Variants in RALGPS1 observed in about 807,000 individuals in gnomAD.
RALGPS1 encodes ras-specific guanine nucleotide-releasing factor RalGPS1.
In RALGPS1, 19 loss-of-function variants were observed where a neutral mutation model predicts 78.8. The ratio of observed to expected loss-of-function variants is 0.24; its 90% CI spans 0.17 to 0.35. The LOEUF (loss-of-function observed/expected upper bound fraction) is 0.35. Ranked by LOEUF, RALGPS1 falls within the 10% of genes least tolerant of loss-of-function variation. The pLI, the probability that RALGPS1 is intolerant of heterozygous loss-of-function variation, is 1.00. For missense variants in RALGPS1, 454 were observed against 688.3 expected, an observed-to-expected ratio of 0.66 and a Z score of 3.81; for synonymous variants, 228 against 256.3, an observed-to-expected ratio of 0.89 and a Z score of 1.06.
At chr9:126,920,163 T>C (rs2034608386) in intron 1 of RALGPS1, among the ~76,000 whole-genome samples, 1 of 152,116 alleles carries the variant, frequency 6.6e-6, no homozygotes, top group African/African-American at 2.4e-5. Flanking sequence ...GGTAGGCTCT[T>C]GTTGAATAGT....
intron 8 of RALGPS1, among the ~76,000 whole-genome samples, chr9:127,164,534 CTTTT>C (rs1160251459): frequency 1.6e-5 from 1 of 62,762 alleles, no homozygotes; most frequent in Non-Finnish European, 2.7e-5. Flanking sequence ...CATGCCTGGC[CTTTT>C]TTTTTTTTTT....
intron 6 of RALGPS1, among the ~76,000 whole-genome samples, chr9:127,051,020 T>C (rs1416451737): frequency 2.6e-5 from 4 of 152,180 alleles, no homozygotes; most frequent in Non-Finnish European, 5.9e-5. Context: ...CAGGGCCCCA[T>C]AGCCAGTCAG....
At chr9:127,189,053 A>G (rs1262086300) in intron 11 of RALGPS1, among the ~76,000 whole-genome samples, 1 of 143,916 alleles carries the variant, frequency 6.9e-6, no homozygotes, top group Non-Finnish European at 1.5e-5. Flanking sequence ...GAATCCAGGG[A>G]GGGCTGAACA....
Position 127,212,808 on chromosome 9 carries a change from G to C in RALGPS1, c.1446+89G>C. On this transcript the variant is annotated intron_variant, in intron 16 of 18. Coordinates refer to ENST00000259351, the MANE Select transcript of RALGPS1 (RefSeq NM_014636.3). This position sits in a 1 kb window ranked among gnomAD's most constrained non-coding sequence, Gnocchi z 6.0. ...CTGTGGAGGATGGGGGTGGGAAAGG[G>C]ATCTGTGTGAACTGCGGAGGATGCA... The C allele has an allele frequency of 6.5e-7, 1 of 1,533,364 alleles. No homozygotes were observed. Among genetic ancestry groups the C allele is most frequent in the Non-Finnish European group, 8.9e-7 (1 of 1,120,314 alleles). 95.0% of individuals were successfully genotyped at this position (1,533,364 alleles called of 1,614,324 possible).
chr9:127,132,317 A>C (rs2138255524), intron 8 of RALGPS1, among the ~76,000 whole-genome samples: 1 of 152,320 alleles, frequency 6.6e-6, no homozygotes, highest in South Asian at 2.1e-4. Context: ...TGATACAGAA[A>C]AGGAAATAAA....
rs117454305 is a variant in RALGPS1, at chr9:127,204,682, G to A, written c.1247+5616G>A. On this transcript the variant is annotated intron_variant, in intron 14 of 18. Transcript: ENST00000259351. ...GTGCTGTGGGGTGGTGCTGTAGGGC[G>A]TTCAGGGAGTTGGGTGATGCAGTTT... Among the ~76,000 whole-genome samples, 1,032 of 152,266 alleles carry A rather than the reference G, an allele frequency of 6.8e-3. 20 individuals are homozygous for A. The East Asian group carries it at 0.086, about 13-fold the overall frequency.
intron 4 of RALGPS1, among the ~76,000 whole-genome samples, chr9:127,031,146 C>T (rs2046402635): frequency 6.6e-6 from 1 of 152,252 alleles, no homozygotes; most frequent in African/African-American, 2.4e-5. Context: ...ATCCCAAACC[C>T]TTGTCTCCCT....
rs1329155652 is a variant in RALGPS1, at chr9:127,220,503, G to A, written c.*1734G>A. On this transcript the variant is annotated 3_prime_UTR_variant, in exon 19 of 19. Transcript: ENST00000259351. Reference sequence around the variant, plus strand: ...AAAGACTAGAATACTTTCCTCCTAAGAGAAACTCCCAGGTGATAAAAGTTG... The same window carrying A: ...AAAGACTAGAATACTTTCCTCCTAAAAGAAACTCCCAGGTGATAAAAGTTG... 1 of 152,302 alleles carries A rather than the reference G, an allele frequency of 6.6e-6. No individual in the cohort carries two copies. The highest frequency in any genetic ancestry group is 1.9e-4 in the East Asian group (1 of 5,190). 9.4% of individuals were successfully genotyped at this position (152,302 alleles called of 1,614,324 possible). A position where few individuals can be genotyped will look rare whatever the true frequency, so the allele number is the denominator to read the frequency against.
chr9:127,210,620 G>C lies in RALGPS1; in HGVS notation c.1248-1511G>C, dbSNP rs539238157. On this transcript the variant is annotated intron_variant, in intron 14 of 18. Transcript: ENST00000259351. ...TCCTGAGCTAATTGACTATGTTGTC[G>C]GGGTGCTCTTGCCTCCTTCAGGAGC... 61 of 1,112,100 alleles carry C rather than the reference G, an allele frequency of 5.5e-5. No homozygotes were observed. In the East Asian group the frequency reaches 1.2e-3, roughly 21 times the overall value. The allele number at this position is 1,112,100 out of a possible 1,614,324, so 68.9% of individuals were successfully genotyped here.
chr9:127,215,487 TCTTA>T (rs771448050), intron 18 of RALGPS1, among the ~76,000 whole-genome samples: 22 of 152,338 alleles, frequency 1.4e-4, no homozygotes, highest in Admixed American at 2.6e-4. Context: ...AGGTAGATTC[TCTTA>T]CTGTCTCCGT....
intron 4 of RALGPS1, among the ~76,000 whole-genome samples, chr9:126,987,452 G>C (rs1167500904): frequency 6.6e-6 from 1 of 152,202 alleles, no homozygotes; most frequent in Non-Finnish European, 1.5e-5. Flanking sequence ...TGGTGCTCTT[G>C]AGAGAAGAAA....
At chr9:126,964,634 C>G (rs766514996) in intron 2 of RALGPS1, among the ~76,000 whole-genome samples, 8 of 100,500 alleles carry the variant, frequency 8.0e-5, no homozygotes, top group Non-Finnish European at 1.8e-4. Context: ...GAGGTCTTAA[C>G]CACTATGGTA....
intron 8 of RALGPS1, among the ~76,000 whole-genome samples, chr9:127,141,416 A>G (rs1305990027): frequency 6.6e-6 from 1 of 152,066 alleles, no homozygotes; most frequent in Non-Finnish European, 1.5e-5. Context: ...CTCCCTAGCC[A>G]TCTCGCTTTC....
intron 4 of RALGPS1, among the ~76,000 whole-genome samples, chr9:127,026,522 T>C (rs1287574663): frequency 5.9e-5 from 9 of 152,260 alleles, no homozygotes; most frequent in Non-Finnish European, 1.2e-4. Context: ...TACAAGTCTC[T>C]TTTCTATCAC....
intron 8 of RALGPS1, chr9:127,069,594 G>A: frequency 2.3e-6 from 1 of 427,128 alleles, no homozygotes; most frequent in Non-Finnish European, 4.2e-6. Context: ...TGGGCCCCAG[G>A]GTTCCCCAGG....
chr9:127,148,115 G>A (rs1193264006), intron 8 of RALGPS1, among the ~76,000 whole-genome samples: 1 of 152,240 alleles, frequency 6.6e-6, no homozygotes. Context: ...GAGCACACAT[G>A]TCTTAGAAAT....
intron 8 of RALGPS1, among the ~76,000 whole-genome samples, chr9:127,148,462 C>T (rs908241521): frequency 1.3e-5 from 2 of 152,248 alleles, no homozygotes; most frequent in African/African-American, 2.4e-5. Context: ...AAGTGCTTAG[C>T]AGCTACTTGG....
At chr9:127,070,976 T>G (rs1453632652) in intron 8 of RALGPS1, among the ~76,000 whole-genome samples, 1 of 151,530 alleles carries the variant, frequency 6.6e-6, no homozygotes, top group African/African-American at 2.4e-5. Context: ...GCATAGTTTT[T>G]TTCTTATTTA....
chr9:126,989,434 G>T (rs1181289265), intron 4 of RALGPS1, among the ~76,000 whole-genome samples: 3 of 152,226 alleles, frequency 2.0e-5, no homozygotes, highest in African/African-American at 7.2e-5. Context: ...TGGAGGGGAA[G>T]TAGAGGTGTT....
Sources: gnomAD v4.1 joint callset for allele counts (sites outside exome capture counted in the v4.1 genomes callset) on GRCh38, gnomAD v4.1.1 for gene constraint, Gnocchi (gnomAD v3.1) non-coding constraint, MANE v1.5 for transcripts, NCBI Gene and HGNC (gene_info 2026-07-23, HGNC 2026-07-21) for gene names.